KIF4B: variants seen among roughly 807,000 people sequenced by gnomAD.
The protein encoded by KIF4B is chromosome-associated kinesin KIF4B.
Under a neutral mutation model 69.0 loss-of-function variants are expected in KIF4B, and 60 were observed. The observed-to-expected ratio is 0.87, with a 90% confidence interval of 0.71 to 1.08. The LOEUF (loss-of-function observed/expected upper bound fraction) is 1.08, where lower values mean the gene tolerates loss of function less well. Ranked by LOEUF, KIF4B falls within the 50% of genes least tolerant of loss-of-function variation. KIF4B has a pLI of 0.00. For missense variants in KIF4B, 1,357 were observed against 1,451.9 expected, an observed-to-expected ratio of 0.93 and a Z score of 1.06; for synonymous variants, 489 against 533.0, an observed-to-expected ratio of 0.92 and a Z score of 1.14.
rs2113052552 is a variant in KIF4B at position 155,013,906 on chromosome 5, G to T, written c.47G>T (p.Cys16Phe). 2 of 1,614,184 alleles carry T rather than the reference G, an allele frequency of 1.2e-6. No homozygotes were observed. Among genetic ancestry groups the T allele is most frequent in the East Asian group, 4.5e-5 (2 of 44,866 alleles). ...KGIPVRVALR[C>F]RPLVPKEISE... ...ATTCCTGTAAGAGTGGCACTGCGTT[G>T]TCGCCCTCTGGTCCCCAAAGAGATT... The change falls in exon 1 of 1, where the codon TGT becomes TTT. Residue 16 changes from cysteine to phenylalanine, a missense_variant. By Grantham distance (205) the Cys-to-Phe change is radical. Transcript: ENST00000435029.
chr5:155,016,852 A>G lies in KIF4B; in HGVS notation c.2993A>G (p.Gln998Arg), dbSNP rs756410086. Residue 998 changes from glutamine to arginine, a missense_variant, in exon 1 of 1, where the codon CAG becomes CGG. Physicochemically the swap from Gln to Arg is conservative, Grantham distance 43. Coordinates refer to ENST00000435029, the MANE Select transcript of KIF4B (RefSeq NM_001099293.3). ...EIIKQKLILLQVASRQKHLPN... is the reference protein window; with the variant it reads ...EIIKQKLILLRVASRQKHLPN... ...ATCAAGCAGAAACTGATCCTCCTCC[A>G]GGTAGCCAGCAGACAGAAACATCTT... The G allele has an allele frequency of 1.2e-5, 20 of 1,614,244 alleles. No individual in the cohort carries two copies. The highest frequency in any genetic ancestry group is 1.7e-5 in the Non-Finnish European group (20 of 1,180,052).
In KIF4B at chr5:155,016,857, G is replaced by A; in HGVS notation, c.2998G>A (p.Ala1000Thr). Residue 1000 changes from alanine (A) to threonine (T), a missense_variant, in exon 1 of 1, where the codon GCC becomes ACC. Ala to Thr is a moderately conservative substitution (Grantham distance 58, BLOSUM62 0). Transcript: ENST00000435029. ...IKQKLILLQVASRQKHLPNDT... is the reference protein window; with the variant it reads ...IKQKLILLQVTSRQKHLPNDT... ...GCAGAAACTGATCCTCCTCCAGGTA[G>A]CCAGCAGACAGAAACATCTTCCTAA... is the stretch of plus-strand genomic sequence containing the variant. The A allele has an allele frequency of 6.2e-7, 1 of 1,614,174 alleles. No homozygotes were observed. The highest frequency in any genetic ancestry group is 1.7e-4 in the Middle Eastern group (1 of 6,056).
Position 155,017,443 on chromosome 5 carries a change from C to A in KIF4B, c.3584C>A (p.Ser1195Ter), listed in dbSNP as rs1415310652. The change falls in exon 1 of 1, where the codon TCG becomes TAG. Residue 1195 changes from serine (S) to a stop codon, truncating the protein, a stop_gained. Transcript: ENST00000435029. LOFTEE classifies it high-confidence loss of function. ...CCCTCCCCTTTTGACCTCCCAGAGT[C>A]GAAACATGGAGCAACAGAATACCAA... The part of the protein sequence containing the change: ...PAPSPFDLPE[S>*]KHGATEYQQN... The A allele has an allele frequency of 1.9e-6, 3 of 1,614,062 alleles. No homozygotes were observed. The Middle Eastern group carries it at 4.9e-4, about 266-fold the overall frequency.
rs1304359892 is a variant in KIF4B at position 155,014,072 on chromosome 5, G to A, written c.213G>A (p.Pro71=). 1.9e-6 allele frequency: 3 copies of A among 1,614,046 alleles called. No individual in the cohort carries two copies. The highest frequency in any genetic ancestry group is 2.7e-5 in the African/African-American group (2 of 74,920). Residue 71 remains proline, a synonymous_variant, in exon 1 of 1, where the codon CCG becomes CCA. Coordinates refer to ENST00000435029, the MANE Select transcript of KIF4B (RefSeq NM_001099293.3). ...QEEVFNKAVA[P]LIKGIFKGYN... ...AAGTCTTCAATAAAGCAGTAGCGCC[G>A]CTCATAAAAGGCATATTTAAAGGAT...
Position 155,017,534 on chromosome 5 carries a change from C to T in KIF4B, c.3675C>T (p.Gly1225=). The T allele has an allele frequency of 2.5e-6, 4 of 1,613,444 alleles. No individual in the cohort carries two copies. Among genetic ancestry groups the T allele is most frequent in the Non-Finnish European group, 3.4e-6 (4 of 1,179,970 alleles). The change falls in exon 1 of 1, where the codon GGC becomes GGT. Residue 1225 remains glycine, a synonymous_variant. Transcript: ENST00000435029. ...ALASNTSFFS[G]CSPIEEEAH ...CTAGCAACACCAGCTTCTTCTCTGG[C>T]TGCTCCCCTATCGAAGAAGAGGCCC...
chr5:155,016,343 A>G lies in KIF4B; in HGVS notation c.2484A>G (p.Glu828=). ...KQIESLETEM[E]LRSAQIADLQ... ...TTGAAAGCCTAGAGACTGAAATGGAACTCAGGAGTGCTCAGATTGCTGACC... is the reference window on the plus strand; with the variant it reads ...TTGAAAGCCTAGAGACTGAAATGGAGCTCAGGAGTGCTCAGATTGCTGACC... Residue 828 remains glutamate, a synonymous_variant, in exon 1 of 1, where the codon GAA becomes GAG. Coordinates refer to ENST00000435029, the MANE Select transcript of KIF4B (RefSeq NM_001099293.3). 1 of 1,614,210 alleles carries G rather than the reference A, an allele frequency of 6.2e-7. No individual in the cohort carries two copies. Among genetic ancestry groups the G allele is most frequent in the Non-Finnish European group, 8.5e-7 (1 of 1,180,040 alleles).
Position 155,017,629 on chromosome 5 carries a change from G to A in KIF4B, c.*65G>A. On this transcript the variant is annotated 3_prime_UTR_variant, in exon 1 of 1. Coordinates refer to ENST00000435029, the MANE Select transcript of KIF4B (RefSeq NM_001099293.3). Reference sequence around the variant, plus strand: ...GATGCTTTCCAGTTGCAGCCAGAAGGGGTTTTTTAAATGACTTCTCTGGAT... The same window carrying A: ...GATGCTTTCCAGTTGCAGCCAGAAGAGGTTTTTTAAATGACTTCTCTGGAT... The A allele has an allele frequency of 6.6e-7, 1 of 1,522,240 alleles. No homozygotes were observed. Among genetic ancestry groups the A allele is most frequent in the Non-Finnish European group, 8.8e-7 (1 of 1,140,976 alleles). The allele number at this position is 1,522,240 out of a possible 1,614,324, so 94.3% of individuals were successfully genotyped here. A position where few individuals can be genotyped will look rare whatever the true frequency, so the allele number is the denominator to read the frequency against.
rs139879144 is a variant in KIF4B, at chr5:155,017,303, C to T, written c.3444C>T (p.Thr1148=). Residue 1148 remains threonine (T), a synonymous_variant, in exon 1 of 1, where the codon ACC becomes ACT. Coordinates refer to ENST00000435029, the MANE Select transcript of KIF4B (RefSeq NM_001099293.3). ...GCTCCTTCAAACTGGAGGATCCTAC[C>T]GAGGTGACCCCAGGATTGAGCTTCT... is the stretch of plus-strand genomic sequence containing the variant. ...SEGSFKLEDP[T]EVTPGLSFFN... 62 of 1,614,146 alleles carry T rather than the reference C, an allele frequency of 3.8e-5. No homozygotes were observed. In the East Asian group the frequency reaches 8.7e-4, roughly 23 times the overall value.
chr5:155,017,780 A>C lies in KIF4B; in HGVS notation c.*216A>C. The C allele has an allele frequency of 3.7e-6, 3 of 802,638 alleles. No homozygotes were observed. Among genetic ancestry groups the C allele is most frequent in the Non-Finnish European group, 5.8e-6 (3 of 521,698 alleles). 49.7% of individuals were successfully genotyped at this position (802,638 alleles called of 1,614,324 possible). Reference sequence around the variant, plus strand: ...TCTCTGCTCTCTAGAAGGCTGCTAAACCACCTGCTGAAGAGAGAACCAACA... The same window carrying C: ...TCTCTGCTCTCTAGAAGGCTGCTAACCCACCTGCTGAAGAGAGAACCAACA... On this transcript the variant is annotated 3_prime_UTR_variant, in exon 1 of 1. Coordinates refer to ENST00000435029, the MANE Select transcript of KIF4B (RefSeq NM_001099293.3).
chr5:155,017,684 A>G lies in KIF4B; in HGVS notation c.*120A>G. 7 of 1,438,876 alleles carry G rather than the reference A, an allele frequency of 4.9e-6. No homozygotes were observed. Among genetic ancestry groups the G allele is most frequent in the Non-Finnish European group, 6.4e-6 (7 of 1,088,882 alleles). The allele number at this position is 1,438,876 out of a possible 1,614,324, so 89.1% of individuals were successfully genotyped here. On this transcript the variant is annotated 3_prime_UTR_variant, in exon 1 of 1. Coordinates refer to ENST00000435029, the MANE Select transcript of KIF4B (RefSeq NM_001099293.3). ...GGTTTCTTGCCGTTGAAAAAAAGGA[A>G]CAAAGCATTACTAAAAAGAAGGTAA...
Position 155,017,218 on chromosome 5 carries a change from G to A in KIF4B, c.3359G>A (p.Arg1120Gln), listed in dbSNP as rs373514147. 80 of 1,614,032 alleles carry A rather than the reference G, an allele frequency of 5.0e-5. No homozygotes were observed. The highest frequency in any genetic ancestry group is 1.2e-4 in the African/African-American group (9 of 74,908). ...VDCSCDPTKCRNRQQGKDSLG... is the reference protein window; with the variant it reads ...VDCSCDPTKCQNRQQGKDSLG... The stretch of plus-strand genomic sequence containing the variant: ...TGTAGCTGTGACCCCACAAAGTGTC[G>A]GAACCGCCAGCAAGGCAAGGATAGC... The change falls in exon 1 of 1, where the codon CGG (arginine) becomes CAG (glutamine). Residue 1120 changes from arginine (R) to glutamine (Q), a missense_variant. Transcript: ENST00000435029.
rs745937290 is a variant in KIF4B at position 155,015,392 on chromosome 5, T to C, written c.1533T>C (p.Phe511=). 2 of 1,614,212 alleles carry C rather than the reference T, an allele frequency of 1.2e-6. No homozygotes were observed. The highest frequency in any genetic ancestry group is 1.7e-6 in the Non-Finnish European group (2 of 1,180,034). ...AGACAAGCAGGTCTTCTGACGCTTT[T>C]ACCACTCAGCATGCTCTCCATCAAG... is the stretch of plus-strand genomic sequence containing the variant. The part of the protein sequence containing the change: ...SPETSRSSDA[F]TTQHALHQAQ... The change falls in exon 1 of 1, where the codon TTT becomes TTC. Residue 511 remains phenylalanine (F), a synonymous_variant. Coordinates refer to ENST00000435029, the MANE Select transcript of KIF4B (RefSeq NM_001099293.3).
rs1400076560 is a variant in KIF4B at position 155,017,462 on chromosome 5, A to C, written c.3603A>C (p.Glu1201Asp). 1 of 1,614,144 alleles carries C rather than the reference A, an allele frequency of 6.2e-7. No individual in the cohort carries two copies. Among genetic ancestry groups the C allele is most frequent in the Non-Finnish European group, 8.5e-7 (1 of 1,180,034 alleles). The change falls in exon 1 of 1, where the codon GAA becomes GAC. Residue 1201 changes from glutamate to aspartate, a missense_variant. Transcript: ENST00000435029. ...CAGAGTCGAAACATGGAGCAACAGA[A>C]TACCAACAAAATAAGCCTCCAGGGA... ...DLPESKHGAT[E>D]YQQNKPPGKK...
Position 155,013,964 on chromosome 5 carries a change from G to A in KIF4B, c.105G>A (p.Val35=), listed in dbSNP as rs199871103. The change falls in exon 1 of 1, where the codon GTG becomes GTA. Residue 35 remains valine, a synonymous_variant. Transcript: ENST00000435029. ...SEGCQMCLSF[V]PGETQVVVGT... is the part of the protein sequence containing the mutation. The stretch of plus-strand genomic sequence containing the variant: ...GCTGCCAGATGTGCCTTTCCTTCGT[G>A]CCCGGGGAGACTCAGGTGGTGGTTG... 426 of 1,614,252 alleles carry A rather than the reference G, an allele frequency of 2.6e-4. No homozygotes were observed. The highest frequency in any genetic ancestry group is 1.6e-3 in the Admixed American group (98 of 60,024).
In KIF4B at chr5:155,015,552, G is replaced by A. The variant is rs1561756359; in HGVS notation, c.1693G>A (p.Glu565Lys). 1 of 1,614,170 alleles carries A rather than the reference G, an allele frequency of 6.2e-7. No individual in the cohort carries two copies. The highest frequency in any genetic ancestry group is 1.7e-5 in the Admixed American group (1 of 60,012). Residue 565 changes from glutamate to lysine, a missense_variant, in exon 1 of 1, where the codon GAA becomes AAA. Glu to Lys is a moderately conservative substitution (Grantham distance 56). Coordinates refer to ENST00000435029, the MANE Select transcript of KIF4B (RefSeq NM_001099293.3). The stretch of plus-strand genomic sequence containing the variant: ...ATACCAGGATAACATAAAAAATCTA[G>A]AATTAGAAGTCATCAATCTGCAAAA... Reference protein sequence around the residue: ...FQYQDNIKNLELEVINLQKEK... With the variant: ...FQYQDNIKNLKLEVINLQKEK...
rs1561756912 is a variant in KIF4B at position 155,016,179 on chromosome 5, CT to C, written c.2321del (p.Leu774ArgfsTer50). The C allele has an allele frequency of 6.2e-7, 1 of 1,614,188 alleles. No homozygotes were observed. The highest frequency in any genetic ancestry group is 1.1e-5 in the South Asian group (1 of 91,082). ...LNDLLEDRKI[L>X]AQDVVQLKEK... Reference sequence around the variant, plus strand: ...TGACCTCCTTGAAGACAGAAAGATCCTGGCTCAGGATGTGGTTCAACTCAAA... The same window carrying C: ...TGACCTCCTTGAAGACAGAAAGATCCGGCTCAGGATGTGGTTCAACTCAAA... On this transcript the variant is annotated frameshift_variant, in exon 1 of 1. Coordinates refer to ENST00000435029, the MANE Select transcript of KIF4B (RefSeq NM_001099293.3). LOFTEE classifies it high-confidence loss of function.
chr5:155,015,168 C>T lies in KIF4B; in HGVS notation c.1309C>T (p.Leu437Phe), dbSNP rs199788491. Residue 437 changes from leucine to phenylalanine, a missense_variant, in exon 1 of 1, where the codon CTC becomes TTC. Physicochemically the swap from Leu to Phe is conservative, Grantham distance 22 (BLOSUM62 0). Transcript: ENST00000435029. ...AAAACTGAACGCCAAGCTAGAAGAG[C>T]TCAGGCAGCATGTGGCCTGCAAGCT... The part of the protein sequence containing the change: ...NEKLNAKLEE[L>F]RQHVACKLDL... 1.1e-3 allele frequency: 1,800 copies of T among 1,614,080 alleles called. 1 individual carries two copies. The highest frequency in any genetic ancestry group is 1.4e-3 in the Non-Finnish European group (1,681 of 1,180,048).
At position 155,014,194 on chromosome 5, in the gene KIF4B, T is replaced by C. The variant is rs192370456; in HGVS notation, c.335T>C (p.Val112Ala). 13 of 1,614,254 alleles carry C rather than the reference T, an allele frequency of 8.1e-6. No homozygotes were observed. The African/African-American group carries it at 1.3e-4, about 17-fold the overall frequency. The change falls in exon 1 of 1, where the codon GTT (valine) becomes GCT (alanine). Residue 112 changes from valine (V) to alanine (A), a missense_variant. Val to Ala is a moderately conservative substitution (Grantham distance 64). Transcript: ENST00000435029. ...GCGGAGCAGGAGAATGAACCAACAGTTGGCATTATTCCTAGGGTAATACAA... is the reference window on the plus strand; with the variant it reads ...GCGGAGCAGGAGAATGAACCAACAGCTGGCATTATTCCTAGGGTAATACAA... ...YTAEQENEPT[V>A]GIIPRVIQLL...
Position 155,016,737 on chromosome 5 carries a change from G to A in KIF4B, c.2878G>A (p.Val960Met). ...AGCCAGTGAAAAGGAACAACAGCTG[G>A]TGAGCACACTGCAGTGTCAGGATGA... The part of the protein sequence containing the change: ...KSASEKEQQL[V>M]STLQCQDEEL... Residue 960 changes from valine to methionine, a missense_variant, in exon 1 of 1, where the codon GTG (valine) becomes ATG (methionine). By Grantham distance (21) the Val-to-Met change is conservative (BLOSUM62 1). Transcript: ENST00000435029. 1.2e-6 allele frequency: 2 copies of A among 1,614,174 alleles called. No individual in the cohort carries two copies. The highest frequency in any genetic ancestry group is 3.3e-5 in the Admixed American group (2 of 60,020).
Sources: allele counts gnomAD v4.1 joint callset, GRCh38; gene constraint gnomAD v4.1.1; transcripts MANE v1.5; gene names NCBI Gene and HGNC (gene_info 2026-07-23, HGNC 2026-07-21).